Variants in RPS15 observed in about 807,000 individuals in gnomAD.
RPS15 encodes ribosomal protein S15.
In RPS15, 5 loss-of-function variants were observed where a neutral mutation model predicts 14.9. The observed-to-expected ratio is 0.34, with a 90% CI of 0.18 to 0.70. The LOEUF is 0.70. Among genes scored for constraint, RPS15 ranks in the 30% least tolerant of loss-of-function variants. RPS15 has a pLI of 0.65. For synonymous variants in RPS15, 103 were observed against 85.0 expected (o/e 1.21, Z -1.16); for missense variants, 102 against 204.2 (o/e 0.50, Z 3.05).
Position 1,440,091 on chromosome 19 carries a change from C to T in RPS15, c.162C>T (p.His54=), listed in dbSNP as rs778995103. ...ACCGGGGCCTGCGGCGGAAGCAGCA[C>T]TCCCTGCTGAAGCGCCTGCGCAAGG... ...RLNRGLRRKQ[H]SLLKRLRKAK... is the part of the protein sequence containing the mutation. The change falls in exon 3 of 4, where the codon CAC becomes CAT. Residue 54 remains histidine (H), a synonymous_variant. Coordinates refer to ENST00000592588, the MANE Select transcript of RPS15 (RefSeq NM_001018.5). 2.1e-4 allele frequency: 338 copies of T among 1,583,426 alleles called. No homozygotes were observed. The Middle Eastern group carries it at 2.5e-3, about 12-fold the overall frequency.
Position 1,438,557 on chromosome 19 carries a change from A to G in RPS15, c.3+129A>G, listed in dbSNP as rs2083626713. The G allele has an allele frequency of 6.3e-7, 1 of 1,575,606 alleles. No homozygotes were observed. Among genetic ancestry groups the G allele is most frequent in the South Asian group, 1.1e-5 (1 of 87,446 alleles). Reference sequence around the variant, plus strand: ...TGCTCCCGACCCTGCAGGCGGCTGGATGTTGGGGCGAGGGGCGGACTTGGT... The same window carrying G: ...TGCTCCCGACCCTGCAGGCGGCTGGGTGTTGGGGCGAGGGGCGGACTTGGT... On this transcript the variant is annotated intron_variant, in intron 1 of 3. Transcript: ENST00000592588. This position sits in a 1 kb window ranked among gnomAD's most constrained non-coding sequence, Gnocchi z 4.8.
chr19:1,438,709 C>A lies in RPS15; in HGVS notation c.4-98C>A. ...GGTGTGTCCCTGTCGGGCTTCTGTCCCCGGCGGCGCCGCGCGTCTTCCGCG... is the reference window on the plus strand; with the variant it reads ...GGTGTGTCCCTGTCGGGCTTCTGTCACCGGCGGCGCCGCGCGTCTTCCGCG... On this transcript the variant is annotated intron_variant, in intron 1 of 3. Coordinates refer to ENST00000592588, the MANE Select transcript of RPS15 (RefSeq NM_001018.5). This position sits in a 1 kb window ranked among gnomAD's most constrained non-coding sequence, Gnocchi z 4.8. 1 of 1,533,538 alleles carries A rather than the reference C, an allele frequency of 6.5e-7. No homozygotes were observed. The highest frequency in any genetic ancestry group is 8.8e-7 in the Non-Finnish European group (1 of 1,133,690). 95.0% of individuals were successfully genotyped at this position (1,533,538 alleles called of 1,614,324 possible). A position where few individuals can be genotyped will look rare whatever the true frequency, so the allele number is the denominator to read the frequency against.
At chr19:1,439,642 G>T (rs1217326494) in intron 2 of RPS15, 2 of 527,866 alleles carry the variant, frequency 3.8e-6, no homozygotes, top group East Asian at 6.4e-5. Flanking sequence ...CGACCCTCCC[G>T]CCTCAACCTC....
rs1189575211 is a variant in RPS15, at chr19:1,440,052, G to T, written c.123G>T (p.Gln41His). The T allele has an allele frequency of 5.8e-6, 9 of 1,557,976 alleles. No homozygotes were observed. The stretch of plus-strand genomic sequence containing the variant: ...TGATGCAGCTGTACAGTGCGCGCCA[G>T]CGGCGGCGGCTGAACCGGGGCCTGC... The part of the protein sequence containing the change: ...EQLMQLYSAR[Q>H]RRRLNRGLRR... The change falls in exon 3 of 4, where the codon CAG becomes CAT. Residue 41 changes from glutamine to histidine, a missense_variant. Coordinates refer to ENST00000592588, the MANE Select transcript of RPS15 (RefSeq NM_001018.5).
In RPS15 at chr19:1,438,460, G is replaced by T. The variant is rs1449942032; in HGVS notation, c.3+32G>T. On this transcript the variant is annotated intron_variant, in intron 1 of 3. Transcript: ENST00000592588. This position sits in a 1 kb window ranked among gnomAD's most constrained non-coding sequence, Gnocchi z 4.8. The stretch of plus-strand genomic sequence containing the variant: ...GTTGCGATTTGGCGCGTCTCTGCCG[G>T]GCCTATCCGGCTCCATCCAACCTCT... The T allele has an allele frequency of 2.5e-6, 4 of 1,613,250 alleles. No individual in the cohort carries two copies. The East Asian group carries it at 8.9e-5, about 36-fold the overall frequency.
At position 1,440,335 on chromosome 19, in the gene RPS15, T is replaced by C; in HGVS notation, c.325-14T>C. On this transcript the variant is annotated splice_polypyrimidine_tract_variant and intron_variant, in intron 3 of 3. Transcript: ENST00000592588. ...GATCAGCTGACACCCAGCTTTGCTC[T>C]TGGTCTCCCGCAGCCCGAGATGATC... 3.7e-6 allele frequency: 6 copies of C among 1,613,490 alleles called. No homozygotes were observed. The highest frequency in any genetic ancestry group is 5.1e-6 in the Non-Finnish European group (6 of 1,179,602).
Position 1,438,947 on chromosome 19 carries a change from C to G in RPS15, c.89+55C>G. ...GGGCTGGGCCAGCGGTGGGGCTTGT[C>G]CGGGTGAGGGCGGCGGGGCGGGGGT... is the stretch of plus-strand genomic sequence containing the variant. On this transcript the variant is annotated intron_variant, in intron 2 of 3. Coordinates refer to ENST00000592588, the MANE Select transcript of RPS15 (RefSeq NM_001018.5). The surrounding 1 kb of genome is among the most constrained non-coding windows in gnomAD (Gnocchi z 4.8). 3 of 1,466,642 alleles carry G rather than the reference C, an allele frequency of 2.0e-6. No individual in the cohort carries two copies. In the South Asian group the frequency reaches 3.7e-5, roughly 18 times the overall value. 90.9% of individuals were successfully genotyped at this position (1,466,642 alleles called of 1,614,324 possible).
Position 1,440,272 on chromosome 19 carries a change from G to T in RPS15, c.324+19G>T, listed in dbSNP as rs751698438. The T allele has an allele frequency of 4.3e-6, 7 of 1,611,808 alleles. No individual in the cohort carries two copies. In the East Asian group the frequency reaches 1.6e-4, roughly 36 times the overall value. On this transcript the variant is annotated intron_variant, in intron 3 of 3. Coordinates refer to ENST00000592588, the MANE Select transcript of RPS15 (RefSeq NM_001018.5). Reference sequence around the variant, plus strand: ...GATCAAGGTGTGTGCGGCCGTCCCTGCCGGCTGGGGTGGGCTGGGGTCGCC... The same window carrying T: ...GATCAAGGTGTGTGCGGCCGTCCCTTCCGGCTGGGGTGGGCTGGGGTCGCC...
Position 1,438,735 on chromosome 19 carries a change from G to A in RPS15, c.4-72G>A. 3 of 1,541,746 alleles carry A rather than the reference G, an allele frequency of 1.9e-6. No homozygotes were observed. The highest frequency in any genetic ancestry group is 3.9e-5 in the Admixed American group (2 of 51,270). On this transcript the variant is annotated intron_variant, in intron 1 of 3. Coordinates refer to ENST00000592588, the MANE Select transcript of RPS15 (RefSeq NM_001018.5). This position sits in a 1 kb window ranked among gnomAD's most constrained non-coding sequence, Gnocchi z 4.8. The stretch of plus-strand genomic sequence containing the variant: ...CCGGCGGCGCCGCGCGTCTTCCGCG[G>A]TGTCCTCGGGCCCGGTGGCCCCGGG...
At position 1,438,483 on chromosome 19, in the gene RPS15, T is replaced by G; in HGVS notation, c.3+55T>G. 8.7e-6 allele frequency: 14 copies of G among 1,612,710 alleles called. No individual in the cohort carries two copies. Among genetic ancestry groups the G allele is most frequent in the Non-Finnish European group, 1.2e-5 (14 of 1,179,750 alleles). ...CGGGCCTATCCGGCTCCATCCAACC[T>G]CTGACCGTCTCGCGGGGGCCGCAGT... On this transcript the variant is annotated intron_variant, in intron 1 of 3. Transcript: ENST00000592588. This position sits in a 1 kb window ranked among gnomAD's most constrained non-coding sequence, Gnocchi z 4.8.
rs2083627872 is a variant in RPS15 at position 1,438,659 on chromosome 19, G to A, written c.4-148G>A. On this transcript the variant is annotated intron_variant, in intron 1 of 3. Coordinates refer to ENST00000592588, the MANE Select transcript of RPS15 (RefSeq NM_001018.5). The surrounding 1 kb of genome is among the most constrained non-coding windows in gnomAD (Gnocchi z 4.8). ...GGGTCCTCGTAACCCGGAGCCGCGA[G>A]TGATCCCCGGGGACGGGTCGAAGCG... 1.3e-6 allele frequency: 2 copies of A among 1,532,044 alleles called. No individual in the cohort carries two copies. The highest frequency in any genetic ancestry group is 2.5e-5 in the East Asian group (1 of 40,662). 94.9% of individuals were successfully genotyped at this position (1,532,044 alleles called of 1,614,324 possible).
rs938080461 is a variant in RPS15 at position 1,438,801 on chromosome 19, G to T, written c.4-6G>T. 3.1e-6 allele frequency: 5 copies of T among 1,587,868 alleles called. No homozygotes were observed. In the African/African-American group the frequency reaches 4.0e-5, roughly 13 times the overall value. ...TCCCGCTGACGCCCGATCCGCGCCC[G>T]CACAGGCAGAAGTAGAGCAGAAGAA... is the stretch of plus-strand genomic sequence containing the variant. On this transcript the variant is annotated splice_polypyrimidine_tract_variant and splice_region_variant and intron_variant, in intron 1 of 3. Coordinates refer to ENST00000592588, the MANE Select transcript of RPS15 (RefSeq NM_001018.5). The surrounding 1 kb of genome is among the most constrained non-coding windows in gnomAD (Gnocchi z 4.8).
At position 1,438,611 on chromosome 19, in the gene RPS15, G is replaced by T; in HGVS notation, c.3+183G>T. 1 of 1,535,384 alleles carries T rather than the reference G, an allele frequency of 6.5e-7. No individual in the cohort carries two copies. The highest frequency in any genetic ancestry group is 8.8e-7 in the Non-Finnish European group (1 of 1,137,568). On this transcript the variant is annotated intron_variant, in intron 1 of 3. Coordinates refer to ENST00000592588, the MANE Select transcript of RPS15 (RefSeq NM_001018.5). This position sits in a 1 kb window ranked among gnomAD's most constrained non-coding sequence, Gnocchi z 4.8. Reference sequence around the variant, plus strand: ...TGTCGGGACGACGCGGGGCTGGGAAGGCCTGTCCGGGCCTTCATGTCCGGG... The same window carrying T: ...TGTCGGGACGACGCGGGGCTGGGAATGCCTGTCCGGGCCTTCATGTCCGGG...
chr19:1,440,051 A>C lies in RPS15; in HGVS notation c.122A>C (p.Gln41Pro), dbSNP rs752461630. The C allele has an allele frequency of 3.9e-6, 6 of 1,558,274 alleles. No individual in the cohort carries two copies. In the Admixed American group the frequency reaches 9.7e-5, roughly 25 times the overall value. ...CTGATGCAGCTGTACAGTGCGCGCCAGCGGCGGCGGCTGAACCGGGGCCTG... is the reference window on the plus strand; with the variant it reads ...CTGATGCAGCTGTACAGTGCGCGCCCGCGGCGGCGGCTGAACCGGGGCCTG... ...EQLMQLYSAR[Q>P]RRRLNRGLRR... Residue 41 changes from glutamine to proline, a missense_variant, in exon 3 of 4, where the codon CAG becomes CCG. By Grantham distance (76) the Gln-to-Pro change is moderately conservative. Coordinates refer to ENST00000592588, the MANE Select transcript of RPS15 (RefSeq NM_001018.5).
rs766223650 is a variant in RPS15 at position 1,438,405 on chromosome 19, C to G, written c.-21C>G. Reference sequence around the variant, plus strand: ...CTGCGCAGGCGCGGACCAAAGCGATCTCTTCTGAGGATCCGGCAAGATGGT... The same window carrying G: ...CTGCGCAGGCGCGGACCAAAGCGATGTCTTCTGAGGATCCGGCAAGATGGT... On this transcript the variant is annotated 5_prime_UTR_variant, in exon 1 of 4. It adds an upstream start codon to the 5' untranslated region. Coordinates refer to ENST00000592588, the MANE Select transcript of RPS15 (RefSeq NM_001018.5). This position sits in a 1 kb window ranked among gnomAD's most constrained non-coding sequence, Gnocchi z 4.8. 2 of 1,613,290 alleles carry G rather than the reference C, an allele frequency of 1.2e-6. No individual in the cohort carries two copies. Among genetic ancestry groups the G allele is most frequent in the East Asian group, 2.2e-5 (1 of 44,886 alleles).
At position 1,440,107 on chromosome 19, in the gene RPS15, C is replaced by T. The variant is rs769093130; in HGVS notation, c.178C>T (p.Leu60=). 6.3e-7 allele frequency: 1 copy of T among 1,596,402 alleles called. No individual in the cohort carries two copies. Among genetic ancestry groups the T allele is most frequent in the South Asian group, 1.1e-5 (1 of 88,062 alleles). The part of the protein sequence containing the change: ...RRKQHSLLKR[L]RKAKKEAPPM... ...GAAGCAGCACTCCCTGCTGAAGCGCCTGCGCAAGGCCAAGAAGGAGGCGCC... is the reference window on the plus strand; with the variant it reads ...GAAGCAGCACTCCCTGCTGAAGCGCTTGCGCAAGGCCAAGAAGGAGGCGCC... The change falls in exon 3 of 4, where the codon CTG becomes TTG. Residue 60 remains leucine (L), a synonymous_variant. Transcript: ENST00000592588.
rs200854808 is a variant in RPS15, at chr19:1,440,130, G to C, written c.201G>C (p.Ala67=). The change falls in exon 3 of 4, where the codon GCG becomes GCC. Residue 67 remains alanine (A), a synonymous_variant. Transcript: ENST00000592588. ...LKRLRKAKKE[A]PPMEKPEVVK... ...GCCTGCGCAAGGCCAAGAAGGAGGC[G>C]CCGCCCATGGAGAAGCCGGAAGTGG... 1 of 1,608,042 alleles carries C rather than the reference G, an allele frequency of 6.2e-7. No individual in the cohort carries two copies. Among genetic ancestry groups the C allele is most frequent in the African/African-American group, 1.3e-5 (1 of 75,030 alleles).
chr19:1,439,928 G>A (rs1433098850), intron 2 of RPS15, 91 bp from the exon 3 acceptor site: 3 of 1,085,086 alleles, frequency 2.8e-6, no homozygotes, highest in Admixed American at 2.0e-5. Context: ...TGTCCCTGGA[G>A]AGAACCAAGC....
chr19:1,438,469 G>C lies in RPS15; in HGVS notation c.3+41G>C, dbSNP rs1351437776. The C allele has an allele frequency of 6.2e-7, 1 of 1,613,194 alleles. No individual in the cohort carries two copies. The highest frequency in any genetic ancestry group is 1.1e-5 in the South Asian group (1 of 91,078). ...TGGCGCGTCTCTGCCGGGCCTATCC[G>C]GCTCCATCCAACCTCTGACCGTCTC... On this transcript the variant is annotated intron_variant, in intron 1 of 3. Transcript: ENST00000592588. The surrounding 1 kb of genome is among the most constrained non-coding windows in gnomAD (Gnocchi z 4.8).
Sources: gnomAD v4.1 joint callset for allele counts on GRCh38, gnomAD v4.1.1 for gene constraint, Gnocchi (gnomAD v3.1) non-coding constraint, MANE v1.5 for transcripts, NCBI Gene and HGNC (gene_info 2026-07-23, HGNC 2026-07-21) for gene names.